CLTC: variants seen among roughly 807,000 people sequenced by gnomAD.
The protein encoded by CLTC is clathrin heavy chain.
CLTC carries 16 observed loss-of-function variants against 195.8 expected under a neutral mutation model. The ratio of observed to expected loss-of-function variants is 0.08; its 90% CI spans 0.06 to 0.12. The LOEUF (loss-of-function observed/expected upper bound fraction) is 0.12. Ranked by LOEUF, CLTC falls within the 10% of genes least tolerant of loss-of-function variation. The probability of loss-of-function intolerance (pLI) is 1.00; values close to 1 mark genes in which losing one functional copy is unlikely to be tolerated. For synonymous variants in CLTC, 667 were observed against 689.4 expected (o/e 0.97, Z 0.51); for missense variants, 796 against 2,027.0 (o/e 0.39, Z 11.66).
intron 1 of CLTC, among the ~76,000 whole-genome samples, chr17:59,625,516 TAGAA>T (rs1425954485): frequency 2.0e-5 from 3 of 152,114 alleles, no homozygotes; most frequent in Admixed American, 2.0e-4. Context: ...AATTTACAGT[TAGAA>T]AGGCAGATTT....
rs2033164366 is a variant in CLTC at position 59,685,464 on chromosome 17, C to T, written c.4606-123C>T. On this transcript the variant is annotated intron_variant, in intron 29 of 31. Transcript: ENST00000269122. The surrounding 1 kb of genome is among the most constrained non-coding windows in gnomAD (Gnocchi z 5.0). ...GAAAATTTTAATTTAAATGATACAA[C>T]TAGGAGGCTTTTTTCCCCTTGCAAA... 2 of 926,558 alleles carry T rather than the reference C, an allele frequency of 2.2e-6. No individual in the cohort carries two copies. The highest frequency in any genetic ancestry group is 1.6e-6 in the Non-Finnish European group (1 of 625,366). 57.4% of individuals were successfully genotyped at this position (926,558 alleles called of 1,614,324 possible).
intron 1 of CLTC, among the ~76,000 whole-genome samples, chr17:59,642,520 A>C (rs9303413): frequency 0.86 from 130,506 of 152,126 alleles, 56,088 homozygotes; most frequent in South Asian, 0.94. Flanking sequence ...ATCGGAAAGG[A>C]TAATTATCAA....
chr17:59,691,426 C>T (rs1365883183), intron 31 of CLTC, among the ~76,000 whole-genome samples: 1 of 151,860 alleles, frequency 6.6e-6, no homozygotes, highest in African/African-American at 2.4e-5. Flanking sequence ...AGCTTGAGAC[C>T]ATCCTGGCTA....
Position 59,666,092 on chromosome 17 carries a change from T to A in CLTC, c.1645-11T>A. 6.3e-7 allele frequency: 1 copy of A among 1,579,484 alleles called. No individual in the cohort carries two copies. Among genetic ancestry groups the A allele is most frequent in the Non-Finnish European group, 8.7e-7 (1 of 1,152,548 alleles). ...ATCTTAAAACAATTTCTTTTAAATC[T>A]TTTTTTGTAGATTGTAGATGTCTTT... On this transcript the variant is annotated splice_polypyrimidine_tract_variant and intron_variant, in intron 10 of 31. Coordinates refer to ENST00000269122, the MANE Select transcript of CLTC (RefSeq NM_004859.4). This position sits in a 1 kb window ranked among gnomAD's most constrained non-coding sequence, Gnocchi z 4.9.
chr17:59,695,320 AT>A lies in CLTC; in HGVS notation c.*1470del, dbSNP rs1382865762. On this transcript the variant is annotated 3_prime_UTR_variant, in exon 32 of 32. Transcript: ENST00000269122. ...ACTGCTTTACAACTCTCTTAGGCAAATTACCTAACATAAGCTCCACAGAAGA... is the reference window on the plus strand; with the variant it reads ...ACTGCTTTACAACTCTCTTAGGCAAATACCTAACATAAGCTCCACAGAAGA... 1 of 185,864 alleles carries A rather than the reference AT, an allele frequency of 5.4e-6. No individual in the cohort carries two copies. Among genetic ancestry groups the A allele is most frequent in the East Asian group, 8.7e-5 (1 of 11,534 alleles). 11.5% of individuals were successfully genotyped at this position (185,864 alleles called of 1,614,324 possible). A position where few individuals can be genotyped will look rare whatever the true frequency, so the allele number is the denominator to read the frequency against.
At chr17:59,672,222 G>A (rs915784460) in intron 14 of CLTC, among the ~76,000 whole-genome samples, 1 of 152,008 alleles carries the variant, frequency 6.6e-6, no homozygotes, top group Admixed American at 6.6e-5. Context: ...AAAATCATGT[G>A]CAAATTTTAG....
chr17:59,635,863 G>A (rs967380423), intron 1 of CLTC, among the ~76,000 whole-genome samples: 2 of 152,176 alleles, frequency 1.3e-5, no homozygotes, highest in Admixed American at 6.5e-5. Flanking sequence ...ATTGGCCCAG[G>A]TAAGGTTTGA....
intron 8 of CLTC, among the ~76,000 whole-genome samples, chr17:59,662,672 A>G (rs1055353792): frequency 6.6e-6 from 1 of 152,188 alleles, no homozygotes; most frequent in Non-Finnish European, 1.5e-5. Flanking sequence ...GTTTCTGGCA[A>G]TCTTGTAAGA....
chr17:59,691,150 T>C (rs1273617381), intron 31 of CLTC, among the ~76,000 whole-genome samples: 3 of 152,184 alleles, frequency 2.0e-5, no homozygotes, highest in African/African-American at 4.8e-5. Context: ...TTGAGAACTT[T>C]CCAGAGAGAT....
At chr17:59,640,559 C>T (rs899730541) in intron 1 of CLTC, among the ~76,000 whole-genome samples, 4 of 151,690 alleles carry the variant, frequency 2.6e-5, no homozygotes, top group African/African-American at 9.7e-5. Context: ...ACCATGGGCC[C>T]GGCTAATATT....
In CLTC at chr17:59,666,777, T is replaced by C; in HGVS notation, c.1948-20T>C. On this transcript the variant is annotated intron_variant, in intron 12 of 31. Transcript: ENST00000269122. This position sits in a 1 kb window ranked among gnomAD's most constrained non-coding sequence, Gnocchi z 4.9. ...AACATTATTTCATTTATTCATTCATTCATTTATTTTGTCTTGTAGTGGTTA... is the reference window on the plus strand; with the variant it reads ...AACATTATTTCATTTATTCATTCATCCATTTATTTTGTCTTGTAGTGGTTA... 1 of 1,589,428 alleles carries C rather than the reference T, an allele frequency of 6.3e-7. No homozygotes were observed. Among genetic ancestry groups the C allele is most frequent in the Non-Finnish European group, 8.6e-7 (1 of 1,164,512 alleles).
At chr17:59,672,708 C>T (rs957339828) in intron 14 of CLTC, among the ~76,000 whole-genome samples, 1 of 152,072 alleles carries the variant, frequency 6.6e-6, no homozygotes, top group East Asian at 1.9e-4. Context: ...GACTAGTCTT[C>T]GTATTATTTA....
chr17:59,633,648 C>T (rs1338802492), intron 1 of CLTC, among the ~76,000 whole-genome samples: 1 of 119,234 alleles, frequency 8.4e-6, no homozygotes, highest in African/African-American at 3.0e-5. Context: ...CCTGGCAGGT[C>T]CCTCAGTATA....
Position 59,660,362 on chromosome 17 carries a change from G to A in CLTC, c.970-29G>A, listed in dbSNP as rs760029991. The A allele has an allele frequency of 3.2e-6, 5 of 1,587,202 alleles. No homozygotes were observed. In the East Asian group the frequency reaches 1.1e-4, roughly 35 times the overall value. ...TCATTTGTATCCAAATGAACACATTGCAGCTACATTTTATTCTTTAAATTG... is the reference window on the plus strand; with the variant it reads ...TCATTTGTATCCAAATGAACACATTACAGCTACATTTTATTCTTTAAATTG... On this transcript the variant is annotated intron_variant, in intron 6 of 31. Transcript: ENST00000269122.
chr17:59,674,922 C>T (rs1382888654), intron 16 of CLTC, 79 bp downstream of exon 16: 26 of 1,359,622 alleles, frequency 1.9e-5, no homozygotes, highest in South Asian at 1.9e-4. Context: ...TCATTTGTTC[C>T]AAAGCTACTA....
At chr17:59,687,942 T>C (rs1222410773) in intron 30 of CLTC, among the ~76,000 whole-genome samples, 7 of 151,944 alleles carry the variant, frequency 4.6e-5, no homozygotes, top group African/African-American at 1.5e-4. Flanking sequence ...TAAAGGAGAG[T>C]TGAAACAAAT....
chr17:59,664,020 G>A lies in CLTC; in HGVS notation c.1521+26G>A, dbSNP rs749596654. The A allele has an allele frequency of 3.8e-6, 6 of 1,594,954 alleles. No individual in the cohort carries two copies. The South Asian group carries it at 5.6e-5, about 15-fold the overall frequency. ...GTGAGTTCAATGAAACACATTCTCA[G>A]CATGAATTCATTGAAGCATTGACAG... On this transcript the variant is annotated intron_variant, in intron 9 of 31. Coordinates refer to ENST00000269122, the MANE Select transcript of CLTC (RefSeq NM_004859.4).
intron 7 of CLTC, among the ~76,000 whole-genome samples, 153 bp from the exon 8 acceptor site, chr17:59,661,290 G>A (rs1055657320): frequency 6.6e-6 from 1 of 152,006 alleles, no homozygotes; most frequent in African/African-American, 2.4e-5. Flanking sequence ...TTCCTAACTT[G>A]ATGTTAATAG....
chr17:59,653,749 C>G (rs1157640690), intron 5 of CLTC, among the ~76,000 whole-genome samples: 1 of 150,084 alleles, frequency 6.7e-6, no homozygotes, highest in Non-Finnish European at 1.5e-5. Context: ...ATTTTAGAGA[C>G]AATGTCTCAC....
Sources: gnomAD v4.1 joint callset for allele counts (sites outside exome capture counted in the v4.1 genomes callset) on GRCh38, gnomAD v4.1.1 for gene constraint, Gnocchi (gnomAD v3.1) non-coding constraint, MANE v1.5 for transcripts, NCBI Gene and HGNC (gene_info 2026-07-23, HGNC 2026-07-21) for gene names.